Variants in KCNIP4 observed in about 807,000 individuals in gnomAD.
The protein encoded by KCNIP4 is Kv channel-interacting protein 4.
In KCNIP4, 12 loss-of-function variants were observed where a neutral mutation model predicts 34.0. The observed-to-expected ratio is 0.35, with a 90% CI of 0.23 to 0.57. The LOEUF is 0.57. Ranked by LOEUF, KCNIP4 falls within the 20% of genes least tolerant of loss-of-function variation. KCNIP4 has a pLI of 0.83. For missense variants in KCNIP4, 238 were observed against 311.7 expected (o/e 0.76, Z 1.78); for synonymous variants, 124 against 102.2 (o/e 1.21, Z -1.29).
intron 1 of KCNIP4, among the ~76,000 whole-genome samples, chr4:21,895,348 T>C (rs1727325524): frequency 6.6e-6 from 1 of 152,134 alleles, no homozygotes; most frequent in Non-Finnish European, 1.5e-5. Context: ...GTACTTGAAA[T>C]ATAGAGTTAA....
intron 1 of KCNIP4, among the ~76,000 whole-genome samples, chr4:21,833,750 T>C (rs1028598760): frequency 6.6e-6 from 1 of 152,140 alleles, no homozygotes; most frequent in African/African-American, 2.4e-5. Context: ...CTTTAATCCA[T>C]CTTGAATTGA....
intron 1 of KCNIP4, among the ~76,000 whole-genome samples, chr4:21,745,086 A>C (rs190303891): frequency 1.1e-4 from 17 of 152,298 alleles, no homozygotes; most frequent in African/African-American, 3.8e-4. Flanking sequence ...ACTAAATTAA[A>C]TAAGCATAGA....
At chr4:21,113,291 T>C (rs923303122) in intron 1 of KCNIP4, among the ~76,000 whole-genome samples, 3 of 151,924 alleles carry the variant, frequency 2.0e-5, no homozygotes, top group Admixed American at 2.0e-4. Context: ...CACACAGACA[T>C]AAGGCTGTAA....
intron 1 of KCNIP4, among the ~76,000 whole-genome samples, chr4:21,556,173 C>A (rs1349204539): frequency 6.6e-6 from 1 of 152,032 alleles, no homozygotes; most frequent in African/African-American, 2.4e-5. Context: ...ATGGAATATT[C>A]ATAGATTATT....
At chr4:20,879,951 A>T (rs959918608) in intron 2 of KCNIP4, among the ~76,000 whole-genome samples, 2 of 152,194 alleles carry the variant, frequency 1.3e-5, no homozygotes, top group African/African-American at 4.8e-5. Context: ...AGTGGGAGGT[A>T]AAAAGAGGAA....
rs182054003 is a variant in KCNIP4, at chr4:20,873,444, G to A, written c.163+9164C>T. On this transcript the variant is annotated intron_variant, in intron 2 of 8. Coordinates refer to ENST00000382152, the MANE Select transcript of KCNIP4 (RefSeq NM_025221.6). ...GCAGTTTCCAACTAATTTTCTTGTCGTCTTTCTCTTTCTCTCTCAACAATT... is the reference window on the plus strand; with the variant it reads ...GCAGTTTCCAACTAATTTTCTTGTCATCTTTCTCTTTCTCTCTCAACAATT... Among the ~76,000 whole-genome samples the A allele has an allele frequency of 6.6e-5, 10 of 152,082 alleles. No homozygotes were observed. In the East Asian group the frequency reaches 7.7e-4, roughly 12 times the overall value.
chr4:21,256,013 G>A (rs1303448327), intron 1 of KCNIP4, among the ~76,000 whole-genome samples: 2 of 151,878 alleles, frequency 1.3e-5, no homozygotes, highest in African/African-American at 4.8e-5. Flanking sequence ...GAACCACATA[G>A]CAGGCTAGAT....
intron 1 of KCNIP4, among the ~76,000 whole-genome samples, chr4:21,309,729 C>T (rs952280305): frequency 3.9e-5 from 6 of 152,090 alleles, no homozygotes; most frequent in Non-Finnish European, 5.9e-5. Flanking sequence ...ATATCCAGCT[C>T]GGGATTGAAA....
At chr4:20,872,828 T>C (rs756522521) in intron 2 of KCNIP4, among the ~76,000 whole-genome samples, 2 of 152,138 alleles carry the variant, frequency 1.3e-5, no homozygotes, top group Non-Finnish European at 2.9e-5. Flanking sequence ...ATAGGTAACC[T>C]GAAAAAAACA....
In KCNIP4 at chr4:20,770,762, C is replaced by T. The variant is rs376182534; in HGVS notation, c.289-11872G>A. 3.3e-5 allele frequency among the ~76,000 whole-genome samples: 5 copies of T among 152,058 alleles called. 1 individual carries two copies. The highest frequency in any genetic ancestry group is 2.1e-4 in the South Asian group (1 of 4,808). On this transcript the variant is annotated intron_variant, in intron 3 of 8. Coordinates refer to ENST00000382152, the MANE Select transcript of KCNIP4 (RefSeq NM_025221.6). The stretch of plus-strand genomic sequence containing the variant: ...CATCCTGGCCAACATGGTGAAACCC[C>T]GTCTGTACTAAAAATACAAAAAATT...
At chr4:20,872,563 C>A (rs1337709298) in intron 2 of KCNIP4, among the ~76,000 whole-genome samples, 2 of 152,058 alleles carry the variant, frequency 1.3e-5, no homozygotes, top group African/African-American at 2.4e-5. Context: ...CAGCAGAAAC[C>A]AGACTCATCG....
At chr4:21,305,666 T>C (rs1292529242) in intron 1 of KCNIP4, among the ~76,000 whole-genome samples, 1 of 152,216 alleles carries the variant, frequency 6.6e-6, no homozygotes, top group Admixed American at 6.5e-5. Flanking sequence ...CCTTGAGGAT[T>C]GCACCTCAGT....
rs535338842 is a variant in KCNIP4 at position 20,882,776 on chromosome 4, T to A, written c.62-67A>T. 1.2e-4 allele frequency: 157 copies of A among 1,281,054 alleles called. 2 individuals carry two copies. In the South Asian group the frequency reaches 1.8e-3, roughly 15 times the overall value. 79.4% of individuals were successfully genotyped at this position (1,281,054 alleles called of 1,614,324 possible). Reference sequence around the variant, plus strand: ...GAGAAAAGGGACGTGCTGCAGGGTTTATCAGAGAAGCCAGGCAGGAAGGAT... The same window carrying A: ...GAGAAAAGGGACGTGCTGCAGGGTTAATCAGAGAAGCCAGGCAGGAAGGAT... On this transcript the variant is annotated intron_variant, in intron 1 of 8. Coordinates refer to ENST00000382152, the MANE Select transcript of KCNIP4 (RefSeq NM_025221.6).
chr4:20,936,745 G>C (rs887119121), intron 1 of KCNIP4, among the ~76,000 whole-genome samples: 2 of 152,186 alleles, frequency 1.3e-5, no homozygotes, highest in Non-Finnish European at 2.9e-5. Flanking sequence ...CGTGCTTCTT[G>C]TTTATTTTTC....
intron 1 of KCNIP4, among the ~76,000 whole-genome samples, chr4:21,377,406 A>T (rs1215255016): frequency 1.3e-5 from 2 of 152,218 alleles, no homozygotes; most frequent in Admixed American, 6.5e-5. Flanking sequence ...TTCCAGAGAC[A>T]ATTACTACAA....
rs149715411 is a variant in KCNIP4 at position 21,170,519 on chromosome 4, C to A, written c.62-287810G>T. The stretch of plus-strand genomic sequence containing the variant: ...ATTTTAATTTTAACCATGATCCCTG[C>A]AATTTGAAGTGAGGTAAGAGGAAGA... On this transcript the variant is annotated intron_variant, in intron 1 of 8. Transcript: ENST00000382152. 3.8e-3 allele frequency among the ~76,000 whole-genome samples: 578 copies of A among 152,044 alleles called. 7 individuals carry two copies. Among genetic ancestry groups the A allele is most frequent in the Admixed American group, 0.011 (170 of 15,252 alleles).
chr4:20,776,785 A>C lies in KCNIP4; in HGVS notation c.289-17895T>G, dbSNP rs75938004. 7.6e-4 allele frequency among the ~76,000 whole-genome samples: 116 copies of C among 152,294 alleles called. 1 individual carries two copies. In the East Asian group the frequency reaches 0.018, roughly 24 times the overall value. The stretch of plus-strand genomic sequence containing the variant: ...AATCTAGCTCATCAGTTCAGAATCA[A>C]CAATGAACCAAATATTACTGTAGAT... On this transcript the variant is annotated intron_variant, in intron 3 of 8. Transcript: ENST00000382152.
At chr4:21,083,418 T>C (rs1746172255) in intron 1 of KCNIP4, among the ~76,000 whole-genome samples, 1 of 151,758 alleles carries the variant, frequency 6.6e-6, no homozygotes, top group African/African-American at 2.4e-5. Context: ...GCACACCTGA[T>C]GAAATTAAGG....
chr4:21,295,834 A>G (rs1763809196), intron 1 of KCNIP4, among the ~76,000 whole-genome samples: 1 of 152,144 alleles, frequency 6.6e-6, no homozygotes, highest in Non-Finnish European at 1.5e-5. Context: ...CCCCAATAGT[A>G]TATACATTTC....
Sources: gnomAD v4.1 joint callset for allele counts (sites outside exome capture counted in the v4.1 genomes callset) on GRCh38, gnomAD v4.1.1 for gene constraint, MANE v1.5 for transcripts, NCBI Gene and HGNC (gene_info 2026-07-23, HGNC 2026-07-21) for gene names.